The following ACSM3 variants were observed in gnomAD, a reference collection of about 807,000 sequenced individuals.
ACSM3 encodes the protein acyl-CoA synthetase medium chain family member 3.
In ACSM3, 61 loss-of-function variants were observed where a neutral mutation model predicts 74.1. The observed-to-expected ratio is 0.82, with a 90% CI of 0.67 to 1.02. The LOEUF is 1.02. ACSM3 is among the 50% of genes least tolerant of loss of function. ACSM3 has a pLI of 0.00. For synonymous variants in ACSM3, 213 were observed against 241.5 expected (o/e 0.88, Z 1.09); for missense variants, 660 against 697.0 (o/e 0.95, Z 0.60).
Position 20,797,554 on chromosome 16 carries a change from TA to T in ACSM3, c.*584del. On this transcript the variant is annotated 3_prime_UTR_variant, in exon 14 of 14. Coordinates refer to ENST00000289416, the MANE Select transcript of ACSM3 (RefSeq NM_005622.4). ...ATATACTATTGTTGCTTATTATATGTAATCTAATAAATACTGTTTACAAAAG... is the reference window on the plus strand; with the variant it reads ...ATATACTATTGTTGCTTATTATATGTATCTAATAAATACTGTTTACAAAAG... 8.1e-7 allele frequency: 1 copy of T among 1,238,800 alleles called. No individual in the cohort carries two copies. The highest frequency in any genetic ancestry group is 1.0e-6 in the Non-Finnish European group (1 of 988,554). The allele number at this position is 1,238,800 out of a possible 1,614,324, so 76.7% of individuals were successfully genotyped here.
At chr16:20,679,624 GA>G (rs1468157161) in intron 1 of ACSM3, 1 of 152,130 alleles carries the variant, frequency 6.6e-6, no homozygotes, top group Non-Finnish European at 1.5e-5. Flanking sequence ...ACTAGAAGGG[GA>G]GAAATCTCTA....
chr16:20,713,843 A>G (rs163248), intron 1 of ACSM3, among the ~76,000 whole-genome samples: 144,703 of 152,244 alleles, frequency 0.95, 68,997 homozygotes, highest in Non-Finnish European at 0.99. Flanking sequence ...CAAAAAGGGC[A>G]CAGATTGTTT....
intron 1 of ACSM3, among the ~76,000 whole-genome samples, chr16:20,746,558 T>C (rs1042565985): frequency 2.0e-5 from 3 of 152,358 alleles, no homozygotes; most frequent in Admixed American, 2.0e-4. Context: ...GGTTTCTGCC[T>C]CACATTTGAT....
upstream of ACSM3, among the ~76,000 whole-genome samples, chr16:20,761,135 C>T (rs1433813589): frequency 2.0e-5 from 3 of 151,946 alleles, no homozygotes; most frequent in Non-Finnish European, 2.9e-5. Flanking sequence ...CACTCTGTCG[C>T]CCAGGCTGGA....
chr16:20,727,516 G>T, intron 1 of ACSM3: 1 of 327,924 alleles, frequency 3.0e-6, no homozygotes. Context: ...GGGCCTTTCT[G>T]CCCCAGGATT....
intron 1 of ACSM3, chr16:20,691,213 G>C (rs1329667842): frequency 1.3e-6 from 2 of 1,530,924 alleles, no homozygotes; most frequent in Admixed American, 4.6e-5. Flanking sequence ...CAGAAACCAG[G>C]CACAGAGTTC....
intron 1 of ACSM3, among the ~76,000 whole-genome samples, chr16:20,748,093 G>C (rs946629390): frequency 6.6e-6 from 1 of 151,986 alleles, no homozygotes; most frequent in Non-Finnish European, 1.5e-5. Context: ...GCCATGATCT[G>C]ACCACTGTAC....
intron 2 of ACSM3, among the ~76,000 whole-genome samples, chr16:20,772,975 A>G (rs566183678): frequency 6.6e-6 from 1 of 152,274 alleles, no homozygotes; most frequent in African/African-American, 2.4e-5. Context: ...CTCAAAAAAA[A>G]AAAAAAAAGA....
intron 1 of ACSM3, among the ~76,000 whole-genome samples, chr16:20,698,038 C>CA (rs1320659085): frequency 6.6e-6 from 1 of 151,588 alleles, no homozygotes; most frequent in Admixed American, 6.6e-5. Context: ...ACTAAAAATA[C>CA]AAAAAATTAG....
At chr16:20,743,096 G>A (rs2079942668) in intron 1 of ACSM3, among the ~76,000 whole-genome samples, 1 of 151,498 alleles carries the variant, frequency 6.6e-6, no homozygotes, top group African/African-American at 2.4e-5. Context: ...CCGCCACCAC[G>A]CCCGGCTAAT....
intron 1 of ACSM3, among the ~76,000 whole-genome samples, chr16:20,692,050 A>C (rs1009766563): frequency 6.6e-6 from 1 of 152,214 alleles, no homozygotes; most frequent in African/African-American, 2.4e-5. Context: ...TCTGTAAGCC[A>C]AAAGATTCTC....
chr16:20,709,243 A>G (rs2079736127), intron 1 of ACSM3, among the ~76,000 whole-genome samples: 1 of 152,198 alleles, frequency 6.6e-6, no homozygotes. Context: ...AGAGCGAGAC[A>G]CTATCTCAGA....
At chr16:20,733,509 T>C (rs1248821084) in intron 1 of ACSM3, among the ~76,000 whole-genome samples, 2 of 152,102 alleles carry the variant, frequency 1.3e-5, no homozygotes, top group Admixed American at 1.3e-4. Context: ...TTAGAAGTAT[T>C]AATTATTCAA....
Position 20,770,267 on chromosome 16 carries a change from G to C in ACSM3, c.219+14G>C. On this transcript the variant is annotated intron_variant, in intron 2 of 13. Coordinates refer to ENST00000289416, the MANE Select transcript of ACSM3 (RefSeq NM_005622.4). Reference sequence around the variant, plus strand: ...GATAAGGAAAAGGTATGGGGGGAGGGCCAGTCAGACCACAATTTCTCAACT... The same window carrying C: ...GATAAGGAAAAGGTATGGGGGGAGGCCCAGTCAGACCACAATTTCTCAACT... The C allele has an allele frequency of 6.2e-7, 1 of 1,604,712 alleles. No individual in the cohort carries two copies. Among genetic ancestry groups the C allele is most frequent in the Non-Finnish European group, 8.5e-7 (1 of 1,171,650 alleles).
chr16:20,722,946 T>A (rs2079790958), intron 1 of ACSM3, among the ~76,000 whole-genome samples: 1 of 152,186 alleles, frequency 6.6e-6, no homozygotes, highest in Non-Finnish European at 1.5e-5. Flanking sequence ...AACGTGCAGG[T>A]TTGTTACATA....
chr16:20,702,357 C>A (rs1299442615), intron 1 of ACSM3, among the ~76,000 whole-genome samples: 3 of 152,208 alleles, frequency 2.0e-5, no homozygotes, highest in Non-Finnish European at 4.4e-5. Context: ...GGATTACAGG[C>A]ATGTGCCACC....
At chr16:20,695,397 A>G (rs969641439) in intron 1 of ACSM3, among the ~76,000 whole-genome samples, 1 of 152,236 alleles carries the variant, frequency 6.6e-6, no homozygotes, top group African/African-American at 2.4e-5. Context: ...TTGCTAGTTA[A>G]CACACTTTAT....
At chr16:20,749,816 G>A (rs957439218) in intron 1 of ACSM3, 2 of 152,352 alleles carry the variant, frequency 1.3e-5, no homozygotes, top group African/African-American at 2.4e-5. Context: ...CTCCAATCTT[G>A]TTTCCTCGCC....
intron 12 of ACSM3, among the ~76,000 whole-genome samples, chr16:20,795,396 A>G (rs1237373003): frequency 6.6e-6 from 1 of 152,238 alleles, no homozygotes; most frequent in South Asian, 2.1e-4. Context: ...ACAGTTTTCA[A>G]TATGTGAAAA....
Sources: gnomAD v4.1 joint callset for allele counts (sites outside exome capture counted in the v4.1 genomes callset) on GRCh38, gnomAD v4.1.1 for gene constraint, MANE v1.5 for transcripts, NCBI Gene and HGNC (gene_info 2026-07-23, HGNC 2026-07-21) for gene names.